CTNNA2: variants seen among roughly 807,000 people sequenced by gnomAD.
CTNNA2 encodes catenin alpha 2.
CTNNA2 carries 42 observed loss-of-function variants against 101.0 expected under a neutral mutation model. That is an observed-to-expected ratio of 0.42 (90% CI 0.32 to 0.54). The LOEUF (loss-of-function observed/expected upper bound fraction) is 0.54, where lower values mean the gene tolerates loss of function less well. Ranked by LOEUF, CTNNA2 falls within the 20% of genes least tolerant of loss-of-function variation. The pLI, the probability that CTNNA2 is intolerant of heterozygous loss-of-function variation, is 0.14. For missense variants in CTNNA2, 871 were observed against 1,223.1 expected (o/e 0.71, Z 4.29); for synonymous variants, 450 against 456.4 (o/e 0.99, Z 0.18).
At chr2:79,984,731 T>C (rs1276502328) in intron 7 of CTNNA2, among the ~76,000 whole-genome samples, 1 of 152,060 alleles carries the variant, frequency 6.6e-6, no homozygotes, top group East Asian at 1.9e-4. Context: ...TGCCCAGCCC[T>C]GCCATTATTG....
intron 7 of CTNNA2, among the ~76,000 whole-genome samples, chr2:80,078,994 T>A (rs1019834827): frequency 6.6e-5 from 10 of 152,198 alleles, no homozygotes; most frequent in African/African-American, 2.4e-4. Flanking sequence ...AAAGAAACTA[T>A]GCTTTGCCCT....
chr2:79,875,892 A>T (rs1467306985), intron 6 of CTNNA2, among the ~76,000 whole-genome samples: 2 of 152,210 alleles, frequency 1.3e-5, no homozygotes, highest in Non-Finnish European at 2.9e-5. Flanking sequence ...TATAACATAA[A>T]TATACAAAAA....
At chr2:79,501,166 A>G (rs768784623) in intron 4 of CTNNA2, among the ~76,000 whole-genome samples, 7 of 152,234 alleles carry the variant, frequency 4.6e-5, no homozygotes, top group Non-Finnish European at 8.8e-5. Context: ...CAGTTTGAAT[A>G]TAATGATGAC....
At chr2:79,302,829 CTAAT>C (rs1676145188) in intron 2 of CTNNA2, among the ~76,000 whole-genome samples, 1 of 152,180 alleles carries the variant, frequency 6.6e-6, no homozygotes, top group Non-Finnish European at 1.5e-5. Flanking sequence ...TTGTTGAACT[CTAAT>C]TACATGTCAG....
chr2:79,718,572 T>C lies in CTNNA2; in HGVS notation c.103-25815T>C, dbSNP rs1686260095. On this transcript the variant is annotated intron_variant, in intron 2 of 18. Coordinates refer to ENST00000402739, the MANE Select transcript of CTNNA2 (RefSeq NM_001282597.3). Reference sequence around the variant, plus strand: ...ATGAAGCCTCCAGAAATGAATTTTATCTAAAAATTAGACCTCACTTGAACA... The same window carrying C: ...ATGAAGCCTCCAGAAATGAATTTTACCTAAAAATTAGACCTCACTTGAACA... 2.0e-5 allele frequency among the ~76,000 whole-genome samples: 3 copies of C among 152,210 alleles called. No homozygotes were observed. The South Asian group carries it at 6.2e-4, about 32-fold the overall frequency.
At chr2:79,517,079 G>C (rs1236218121) in intron 1 of CTNNA2, among the ~76,000 whole-genome samples, 1 of 152,162 alleles carries the variant, frequency 6.6e-6, no homozygotes, top group East Asian at 1.9e-4. Flanking sequence ...AGGATAGAGA[G>C]TCTAGGAAGG....
intron 15 of CTNNA2, among the ~76,000 whole-genome samples, chr2:80,592,505 C>G (rs538684620): frequency 1.3e-5 from 2 of 152,122 alleles, no homozygotes; most frequent in Non-Finnish European, 2.9e-5. Flanking sequence ...CCAAAAAGTA[C>G]CTGGAATAGT....
At chr2:80,044,418 T>C (rs1696380686) in intron 7 of CTNNA2, among the ~76,000 whole-genome samples, 2 of 152,182 alleles carry the variant, frequency 1.3e-5, no homozygotes, top group Admixed American at 6.5e-5. Flanking sequence ...TCCAGGATAC[T>C]GACTCATATA....
intron 2 of CTNNA2, among the ~76,000 whole-genome samples, chr2:79,240,280 G>GT (rs1468359205): frequency 1.3e-5 from 2 of 151,524 alleles, no homozygotes; most frequent in African/African-American, 4.9e-5. Flanking sequence ...GGTAAACTGT[G>GT]TGTCATGGAG....
At chr2:79,446,678 G>T (rs1362640222) in intron 4 of CTNNA2, among the ~76,000 whole-genome samples, 2 of 151,988 alleles carry the variant, frequency 1.3e-5, no homozygotes, top group Non-Finnish European at 2.9e-5. Flanking sequence ...ATTCTCTAGG[G>T]ATGAAAGCTT....
chr2:79,349,492 G>C (rs143812881), intron 3 of CTNNA2, among the ~76,000 whole-genome samples: 1 of 152,136 alleles, frequency 6.6e-6, no homozygotes, highest in Non-Finnish European at 1.5e-5. Flanking sequence ...TGTACTGGAG[G>C]TTAGAAACAC....
At chr2:80,643,944 C>A (rs772516930) in intron 18 of CTNNA2, among the ~76,000 whole-genome samples, 1 of 152,154 alleles carries the variant, frequency 6.6e-6, no homozygotes, top group Non-Finnish European at 1.5e-5. Flanking sequence ...AGATGAAGCA[C>A]TTATCAGACA....
intron 8 of CTNNA2, among the ~76,000 whole-genome samples, chr2:80,415,389 T>A (rs1679950812): frequency 1.3e-5 from 2 of 152,168 alleles, no homozygotes; most frequent in Non-Finnish European, 2.9e-5. Context: ...AGTCAGCCCT[T>A]TCTCCATGAA....
chr2:79,654,354 G>T (rs1681462957), intron 2 of CTNNA2, among the ~76,000 whole-genome samples: 1 of 152,182 alleles, frequency 6.6e-6, no homozygotes. Flanking sequence ...TCCTGGGGGT[G>T]AAAAGTTCTA....
At chr2:80,395,222 A>G (rs1019839599) in intron 8 of CTNNA2, among the ~76,000 whole-genome samples, 3 of 152,182 alleles carry the variant, frequency 2.0e-5, no homozygotes, top group Non-Finnish European at 4.4e-5. Context: ...ATGGCAGTGG[A>G]AGGAGTGTGT....
chr2:80,452,433 C>G (rs1379892101), intron 9 of CTNNA2, among the ~76,000 whole-genome samples: 1 of 150,818 alleles, frequency 6.6e-6, no homozygotes, highest in Non-Finnish European at 1.5e-5. Context: ...GCTGTGTGCC[C>G]AATAGTTTTT....
At chr2:80,466,193 A>G (rs12622279) in intron 9 of CTNNA2, among the ~76,000 whole-genome samples, 42,011 of 152,126 alleles carry the variant, frequency 0.28, 6,681 homozygotes, top group East Asian at 0.66. Flanking sequence ...AAAGTAATAG[A>G]AATCTGAATC....
chr2:80,276,740 C>T (rs1673941556), intron 7 of CTNNA2, among the ~76,000 whole-genome samples: 1 of 152,006 alleles, frequency 6.6e-6, no homozygotes, highest in African/African-American at 2.4e-5. Context: ...CTCACAGGAA[C>T]TAAGAATGAG....
intron 3 of CTNNA2, among the ~76,000 whole-genome samples, chr2:79,745,345 T>A (rs1489192077): frequency 6.6e-6 from 1 of 151,712 alleles, no homozygotes; most frequent in Non-Finnish European, 1.5e-5. Context: ...ACAGGAGAAT[T>A]GCTAGAACCC....
Sources: gnomAD v4.1 joint callset for allele counts (sites outside exome capture counted in the v4.1 genomes callset) on GRCh38, gnomAD v4.1.1 for gene constraint, MANE v1.5 for transcripts, NCBI Gene and HGNC (gene_info 2026-07-23, HGNC 2026-07-21) for gene names.